PARVB: variants seen among roughly 807,000 people sequenced by gnomAD.
PARVB encodes the protein beta-parvin.
A neutral mutation model predicts 47.0 loss-of-function variants in PARVB; 46 were observed. The observed-to-expected ratio is 0.98, with a 90% CI of 0.77 to 1.25. The LOEUF (loss-of-function observed/expected upper bound fraction) is 1.25. Among genes scored for constraint, PARVB ranks in the 50% most tolerant of loss-of-function variants. The probability of loss-of-function intolerance (pLI) is 0.00; values close to 1 mark genes in which losing one functional copy is unlikely to be tolerated. For synonymous variants in PARVB, 196 were observed against 196.3 expected, an observed-to-expected ratio of 1.00 and a Z score of 0.01; for missense variants, 473 against 471.6, an observed-to-expected ratio of 1.00 and a Z score of -0.03.
At chr22:44,157,320 G>A (rs745915323) in intron 10 of PARVB, among the ~76,000 whole-genome samples, 8 of 152,154 alleles carry the variant, frequency 5.3e-5, no homozygotes, top group South Asian at 2.1e-4. Context: ...GTGTCTTCAC[G>A]ACAGCCCTGA....
intron 1 of PARVB, among the ~76,000 whole-genome samples, chr22:44,053,009 C>T (rs1569078160): frequency 1.3e-5 from 2 of 151,892 alleles, no homozygotes; most frequent in African/African-American, 2.4e-5. Context: ...TGCTCACTGG[C>T]TGCAGTTTGC....
chr22:44,123,680 G>A (rs1416148853), intron 4 of PARVB, among the ~76,000 whole-genome samples: 1 of 152,204 alleles, frequency 6.6e-6, no homozygotes, highest in Non-Finnish European at 1.5e-5. Flanking sequence ...CTCCCAAAGT[G>A]TGGGGTTTAC....
intron 12 of PARVB, among the ~76,000 whole-genome samples, chr22:44,164,803 C>T (rs2054131184): frequency 6.6e-6 from 1 of 152,174 alleles, no homozygotes; most frequent in Non-Finnish European, 1.5e-5. Flanking sequence ...AGCATCCGCT[C>T]AACGGCGGGC....
chr22:44,147,390 G>A (rs2053707502), intron 8 of PARVB: 2 of 331,890 alleles, frequency 6.0e-6, no homozygotes, highest in Non-Finnish European at 1.2e-5. Flanking sequence ...GCCAGGAGTG[G>A]AGTAGGAGGC....
At chr22:44,159,201 G>A (rs938890512) in intron 11 of PARVB, among the ~76,000 whole-genome samples, 12 of 152,222 alleles carry the variant, frequency 7.9e-5, no homozygotes, top group Non-Finnish European at 1.2e-4. Flanking sequence ...GCGAAGAAGC[G>A]CATGCATTTC....
At chr22:44,087,528 C>T (rs1370934093) in intron 1 of PARVB, among the ~76,000 whole-genome samples, 1 of 152,004 alleles carries the variant, frequency 6.6e-6, no homozygotes, top group Non-Finnish European at 1.5e-5. Flanking sequence ...AGAAGCTGAT[C>T]AGCCTTTGTG....
At chr22:44,142,603 G>A (rs1335189401) in intron 8 of PARVB, 1 of 152,138 alleles carries the variant, frequency 6.6e-6, no homozygotes, top group Non-Finnish European at 1.5e-5. Flanking sequence ...CCTGGCCCCG[G>A]AGCCCCTGCC....
At chr22:44,048,414 C>T (rs2146933058) in intron 1 of PARVB, among the ~76,000 whole-genome samples, 1 of 152,178 alleles carries the variant, frequency 6.6e-6, no homozygotes, top group East Asian at 1.9e-4. Flanking sequence ...CTGTGTCGCC[C>T]AGGCTGGAGT....
chr22:44,106,915 G>A (rs191680003), intron 3 of PARVB: 1 of 152,162 alleles, frequency 6.6e-6, no homozygotes, highest in Non-Finnish European at 1.5e-5. Flanking sequence ...TACTGTTAAG[G>A]GGTGAAGGTC....
At chr22:44,009,764 A>T (rs936785923) in intron 2 of PARVB, among the ~76,000 whole-genome samples, 1 of 151,516 alleles carries the variant, frequency 6.6e-6, no homozygotes, top group African/African-American at 2.4e-5. Context: ...CTATATATAC[A>T]CATATATATG....
chr22:44,037,656 A>G (rs1260603422), intron 1 of PARVB, among the ~76,000 whole-genome samples: 1 of 152,108 alleles, frequency 6.6e-6, no homozygotes, highest in Admixed American at 6.5e-5. Context: ...GTGAGATTTA[A>G]CTCCAGGCAG....
chr22:44,086,377 GC>G (rs1198048903), intron 1 of PARVB, among the ~76,000 whole-genome samples: 1 of 152,202 alleles, frequency 6.6e-6, no homozygotes, highest in Non-Finnish European at 1.5e-5. Flanking sequence ...GGCACTGTTA[GC>G]CTTTGCTGCC....
intron 2 of PARVB, among the ~76,000 whole-genome samples, chr22:44,099,828 C>T (rs62227665): frequency 0.015 from 2,300 of 152,224 alleles, 26 homozygotes; most frequent in Middle Eastern, 0.054. Context: ...CTGGGAGGAG[C>T]GAGGCCGGGC....
At position 44,094,165 on chromosome 22, in the gene PARVB, G is replaced by A. The variant is rs2052241136; in HGVS notation, c.202+148G>A. 4 of 524,562 alleles carry A rather than the reference G, an allele frequency of 7.6e-6. No homozygotes were observed. In the East Asian group the frequency reaches 9.4e-5, roughly 12 times the overall value. The allele number at this position is 524,562 out of a possible 1,614,324, so 32.5% of individuals were successfully genotyped here. ...TGGGAGTCTAAGTTCTTAGCTCAAGGTCATCTTTAGAAAAGTCCATTGGGA... is the reference window on the plus strand; with the variant it reads ...TGGGAGTCTAAGTTCTTAGCTCAAGATCATCTTTAGAAAAGTCCATTGGGA... On this transcript the variant is annotated intron_variant, in intron 2 of 12. Coordinates refer to ENST00000338758, the MANE Select transcript of PARVB (RefSeq NM_013327.5).
chr22:44,146,225 GAC>G (rs5845635), intron 8 of PARVB: 45,484 of 135,992 alleles, frequency 0.33, 6,122 homozygotes, highest in East Asian at 0.6. Context: ...CTCACACATG[GAC>G]ACACGCTCAC....
intron 12 of PARVB, among the ~76,000 whole-genome samples, chr22:44,164,773 T>C (rs1043012928): frequency 6.6e-6 from 1 of 152,176 alleles, no homozygotes; most frequent in East Asian, 1.9e-4. Context: ...GAGCCCATGA[T>C]GCTTCCTACA....
chr22:44,041,118 G>GA (rs2051011841), intron 1 of PARVB, among the ~76,000 whole-genome samples: 1 of 152,224 alleles, frequency 6.6e-6, no homozygotes, highest in African/African-American at 2.4e-5. Context: ...TAGATAGAGG[G>GA]ATGGACGGAT....
At chr22:44,079,020 C>A (rs897426396) in intron 1 of PARVB, among the ~76,000 whole-genome samples, 1 of 152,236 alleles carries the variant, frequency 6.6e-6, no homozygotes, top group Non-Finnish European at 1.5e-5. Context: ...AGCCACCGCG[C>A]CCGGCCCCTG....
intron 1 of PARVB, among the ~76,000 whole-genome samples, chr22:44,071,071 T>C (rs901016416): frequency 3.9e-5 from 6 of 152,078 alleles, no homozygotes; most frequent in Non-Finnish European, 7.4e-5. Context: ...TCCAGCGACA[T>C]TTCCCAGAGA....
Sources: allele counts gnomAD v4.1 joint callset (sites outside exome capture counted in the v4.1 genomes callset), GRCh38; gene constraint gnomAD v4.1.1; transcripts MANE v1.5; gene names NCBI Gene and HGNC (gene_info 2026-07-23, HGNC 2026-07-21).